JAZF1: variants seen among roughly 807,000 people sequenced by gnomAD.
JAZF1 encodes JAZF zinc finger 1, also known as juxtaposed with another zinc finger protein 1.
JAZF1 carries 8 observed loss-of-function variants against 26.4 expected under a neutral mutation model. That is an observed-to-expected ratio of 0.30 (90% CI 0.18 to 0.55). The LOEUF (loss-of-function observed/expected upper bound fraction) is 0.55. Among genes scored for constraint, JAZF1 ranks in the 20% least tolerant of loss-of-function variants. The pLI is 0.94. For synonymous variants in JAZF1, 126 were observed against 122.3 expected, an observed-to-expected ratio of 1.03 and a Z score of -0.20; for missense variants, 199 against 322.0, an observed-to-expected ratio of 0.62 and a Z score of 2.92.
chr7:28,082,569 T>G (rs562156135), intron 1 of JAZF1, among the ~76,000 whole-genome samples: 1 of 152,272 alleles, frequency 6.6e-6, no homozygotes, highest in East Asian at 1.9e-4. Context: ...CTATTGGACA[T>G]GTATAACCAG....
At chr7:28,081,369 G>A (rs1439840499) in intron 1 of JAZF1, among the ~76,000 whole-genome samples, 1 of 152,160 alleles carries the variant, frequency 6.6e-6, no homozygotes, top group Admixed American at 6.5e-5. Context: ...AGTGCCTGGG[G>A]GGCTGTGCCT....
Position 28,180,606 on chromosome 7 carries a change from C to G in JAZF1, c.-29G>C. On this transcript the variant is annotated 5_prime_UTR_variant, in exon 1 of 5. Transcript: ENST00000283928. The stretch of plus-strand genomic sequence containing the variant: ...GCTACATCGAGAGCCCCCCTGGTGT[C>G]GGCTCTGCGAGCGCCGGGCGGGCGA... The G allele has an allele frequency of 1.4e-6, 2 of 1,379,570 alleles. No individual in the cohort carries two copies. Among genetic ancestry groups the G allele is most frequent in the South Asian group, 1.2e-5 (1 of 86,106 alleles). 85.5% of individuals were successfully genotyped at this position (1,379,570 alleles called of 1,614,324 possible).
intron 1 of JAZF1, among the ~76,000 whole-genome samples, chr7:28,112,609 T>C (rs1479723529): frequency 6.6e-6 from 1 of 152,178 alleles, no homozygotes; most frequent in Non-Finnish European, 1.5e-5. Context: ...TACCTTTTAA[T>C]GATAATTAGC....
intron 2 of JAZF1, among the ~76,000 whole-genome samples, chr7:27,903,104 A>T (rs906130812): frequency 5.3e-5 from 8 of 151,748 alleles, no homozygotes; most frequent in Admixed American, 5.2e-4. Context: ...CATCTACACT[A>T]GCATTTGGTT....
intron 3 of JAZF1, among the ~76,000 whole-genome samples, chr7:27,868,212 G>A (rs1783514133): frequency 6.6e-6 from 1 of 152,188 alleles, no homozygotes; most frequent in South Asian, 2.1e-4. Context: ...ACCATCTATT[G>A]GGATGAGTCA....
intron 2 of JAZF1, among the ~76,000 whole-genome samples, chr7:27,955,393 T>C (rs1019487089): frequency 6.6e-6 from 1 of 152,224 alleles, no homozygotes; most frequent in Admixed American, 6.5e-5. Flanking sequence ...CGAACTGCAA[T>C]GATTTGTTTC....
At chr7:28,066,649 G>T (rs1038729908) in intron 1 of JAZF1, among the ~76,000 whole-genome samples, 4 of 145,662 alleles carry the variant, frequency 2.7e-5, no homozygotes, top group African/African-American at 1.0e-4. Flanking sequence ...AACAACAAAA[G>T]GTGGGAACCA....
chr7:28,042,255 G>A (rs1294319941), intron 1 of JAZF1, among the ~76,000 whole-genome samples: 2 of 152,198 alleles, frequency 1.3e-5, no homozygotes, highest in Non-Finnish European at 2.9e-5. Flanking sequence ...TGATTACCGT[G>A]CAGGGTGTGG....
intron 1 of JAZF1, among the ~76,000 whole-genome samples, chr7:28,036,359 CTTA>C (rs1783293440): frequency 6.6e-6 from 1 of 152,056 alleles, no homozygotes; most frequent in South Asian, 2.1e-4. Flanking sequence ...TGATTTTTTT[CTTA>C]TGTTTTGTAC....
chr7:27,876,193 T>G (rs1000086342), intron 3 of JAZF1, among the ~76,000 whole-genome samples: 1 of 152,270 alleles, frequency 6.6e-6, no homozygotes, highest in African/African-American at 2.4e-5. Context: ...GCTAACCCTC[T>G]AATGCCTCTG....
intron 1 of JAZF1, among the ~76,000 whole-genome samples, chr7:28,120,505 T>TTTTTTC (rs1782584379): frequency 1.2e-5 from 1 of 80,236 alleles, no homozygotes; most frequent in Non-Finnish European, 2.2e-5. Context: ...ACAGTTCTTT[T>TTTTTTC]TTTTTTTTTT....
chr7:28,148,231 C>A (rs1316695175), intron 1 of JAZF1, among the ~76,000 whole-genome samples: 1 of 152,118 alleles, frequency 6.6e-6, no homozygotes, highest in Non-Finnish European at 1.5e-5. Flanking sequence ...CCACTACACC[C>A]AGTTAATTTT....
rs533943884 is a variant in JAZF1 at position 27,831,651 on chromosome 7, T to C, written c.*1149A>G. 4.4e-6 allele frequency: 1 copy of C among 226,146 alleles called. No individual in the cohort carries two copies. The highest frequency in any genetic ancestry group is 8.8e-6 in the Non-Finnish European group (1 of 113,306). The allele number at this position is 226,146 out of a possible 1,614,324, so 14.0% of individuals were successfully genotyped here. Reference sequence around the variant, plus strand: ...TTTGTTTTATAAAGCTAAACAGACATTTCCAATGAGAATGCAGACCTCTCT... The same window carrying C: ...TTTGTTTTATAAAGCTAAACAGACACTTCCAATGAGAATGCAGACCTCTCT... On this transcript the variant is annotated 3_prime_UTR_variant, in exon 5 of 5. Transcript: ENST00000283928.
At chr7:28,049,151 C>T (rs940023422) in intron 1 of JAZF1, among the ~76,000 whole-genome samples, 9 of 149,950 alleles carry the variant, frequency 6.0e-5, no homozygotes, top group Admixed American at 2.0e-4. Context: ...GGTGTGATGT[C>T]GGCTCACCAC....
intron 2 of JAZF1, among the ~76,000 whole-genome samples, chr7:27,963,569 CT>C (rs36024077): frequency 2.3e-5 from 3 of 132,514 alleles, no homozygotes; most frequent in Admixed American, 1.6e-4. Context: ...CCCCCCCCCC[CT>C]TTTTTTTTGG....
intron 1 of JAZF1, among the ~76,000 whole-genome samples, chr7:28,064,692 A>G (rs1783852278): frequency 6.6e-6 from 1 of 152,186 alleles, no homozygotes; most frequent in Admixed American, 6.5e-5. Context: ...CATCTAACTC[A>G]GTCTTCTTTC....
chr7:27,966,126 G>A (rs76191193), intron 2 of JAZF1, among the ~76,000 whole-genome samples: 3,109 of 152,220 alleles, frequency 0.02, 99 homozygotes, highest in African/African-American at 0.069. Context: ...AGCTGCAGAA[G>A]ATTCATTTTA....
intron 1 of JAZF1, among the ~76,000 whole-genome samples, chr7:28,108,362 C>T (rs954372751): frequency 6.6e-5 from 10 of 152,200 alleles, no homozygotes; most frequent in Admixed American, 2.6e-4. Flanking sequence ...TGAGGAGCCT[C>T]GTCATGGTGC....
intron 2 of JAZF1, among the ~76,000 whole-genome samples, chr7:27,982,082 A>C (rs948624505): frequency 3.3e-5 from 5 of 152,206 alleles, no homozygotes; most frequent in African/African-American, 7.2e-5. Flanking sequence ...TGCATTTCCA[A>C]CTGAGGTACT....
Sources: gnomAD v4.1 joint callset for allele counts (sites outside exome capture counted in the v4.1 genomes callset) on GRCh38, gnomAD v4.1.1 for gene constraint, MANE v1.5 for transcripts, NCBI Gene and HGNC (gene_info 2026-07-23, HGNC 2026-07-21) for gene names.